ATXN1: variants seen among roughly 807,000 people sequenced by gnomAD.
The protein encoded by ATXN1 is ataxin-1.
ATXN1 carries 8 observed loss-of-function variants against 56.4 expected under a neutral mutation model. The observed-to-expected ratio is 0.14, with a 90% CI of 0.08 to 0.26. The LOEUF is 0.26. ATXN1 is among the 10% of genes least tolerant of loss of function. ATXN1 has a pLI of 1.00. For missense variants in ATXN1, 987 were observed against 1,106.5 expected, an observed-to-expected ratio of 0.89 and a Z score of 1.53; for synonymous variants, 514 against 494.6, an observed-to-expected ratio of 1.04 and a Z score of -0.52.
At chr6:16,515,980 T>A (rs1439754052) in intron 5 of ATXN1, among the ~76,000 whole-genome samples, 1 of 152,182 alleles carries the variant, frequency 6.6e-6, no homozygotes, top group Non-Finnish European at 1.5e-5. Context: ...TGGGACCAGA[T>A]GACTTGTGAA....
chr6:16,685,977 T>A (rs1467221813), intron 2 of ATXN1, among the ~76,000 whole-genome samples: 1 of 152,234 alleles, frequency 6.6e-6, no homozygotes, highest in African/African-American at 2.4e-5. Context: ...TCATATATTT[T>A]AAAAATATCT....
In ATXN1 at chr6:16,301,084, G is replaced by GTTTTT. The variant is rs1760081222; in HGVS notation, c.*5244_*5245insAAAAA. ...AACATGTAACTTTCAACCCTTCTCTGCTTTTTTTTTTTTACAAACAAAGTA... is the reference window on the plus strand; with the variant it reads ...AACATGTAACTTTCAACCCTTCTCTGTTTTTCTTTTTTTTTTTTACAAACAAAGTA... On this transcript the variant is annotated 3_prime_UTR_variant, in exon 8 of 8. Transcript: ENST00000436367. 1 of 98,098 alleles carries GTTTTT rather than the reference G, an allele frequency of 1.0e-5. No homozygotes were observed. 6.1% of individuals were successfully genotyped at this position (98,098 alleles called of 1,614,324 possible). A position where few individuals can be genotyped will look rare whatever the true frequency, so the allele number is the denominator to read the frequency against.
chr6:16,541,436 TG>T (rs1581832585), intron 4 of ATXN1, among the ~76,000 whole-genome samples: 1 of 152,208 alleles, frequency 6.6e-6, no homozygotes, highest in Non-Finnish European at 1.5e-5. Flanking sequence ...GGAGCTCTTC[TG>T]TATTTGTTCC....
At chr6:16,412,152 T>C (rs948216208) in intron 6 of ATXN1, among the ~76,000 whole-genome samples, 1 of 152,220 alleles carries the variant, frequency 6.6e-6, no homozygotes, top group Non-Finnish European at 1.5e-5. Flanking sequence ...TTGTGAACTA[T>C]AGAATATGAA....
At chr6:16,579,496 C>CG in intron 4 of ATXN1, among the ~76,000 whole-genome samples, 1 of 91,122 alleles carries the variant, frequency 1.1e-5, no homozygotes, top group African/African-American at 3.0e-5. Flanking sequence ...CCCCCCCACC[C>CG]GCCGATTCAT....
rs940957205 is a variant in ATXN1, at chr6:16,299,679, A to G, written c.*6650T>C. ...ACATCCAGTAGTACGAGTCTCAGAG[A>G]TGGCTCTGGAGCCAGGACTCCACTG... On this transcript the variant is annotated 3_prime_UTR_variant, in exon 8 of 8. Transcript: ENST00000436367. 3 of 152,594 alleles carry G rather than the reference A, an allele frequency of 2.0e-5. No homozygotes were observed. Among genetic ancestry groups the G allele is most frequent in the Non-Finnish European group, 4.4e-5 (3 of 68,050 alleles). 9.5% of individuals were successfully genotyped at this position (152,594 alleles called of 1,614,324 possible).
rs139570929 is a variant in ATXN1, at chr6:16,377,654, C to T, written c.-160-49184G>A. 2.0e-4 allele frequency among the ~76,000 whole-genome samples: 30 copies of T among 152,178 alleles called. No individual in the cohort carries two copies. The East Asian group carries it at 5.4e-3, about 27-fold the overall frequency. On this transcript the variant is annotated intron_variant, in intron 6 of 7. Transcript: ENST00000436367. ...GCTCTAAGAGCAGAGAGGAACAAGA[C>T]TATCTCTGTACGCCTGTGTGCACAG...
chr6:16,529,986 T>C (rs550525927), intron 4 of ATXN1, among the ~76,000 whole-genome samples: 1 of 152,302 alleles, frequency 6.6e-6, no homozygotes, highest in African/African-American at 2.4e-5. Context: ...TCCGTGAATG[T>C]CCCCAAGTTG....
chr6:16,753,797 C>A (rs927418185), intron 1 of ATXN1, among the ~76,000 whole-genome samples: 1 of 152,080 alleles, frequency 6.6e-6, no homozygotes, highest in East Asian at 1.9e-4. Flanking sequence ...GATGAAAGTG[C>A]ACAGCTATTA....
chr6:16,588,045 C>G (rs1331554084), intron 3 of ATXN1, among the ~76,000 whole-genome samples: 2 of 120,518 alleles, frequency 1.7e-5, no homozygotes, highest in Non-Finnish European at 3.6e-5. Flanking sequence ...TTCTGGAAAT[C>G]TAAGCAGAAT....
chr6:16,659,248 G>A (rs887495586), intron 2 of ATXN1, among the ~76,000 whole-genome samples: 1 of 152,182 alleles, frequency 6.6e-6, no homozygotes, highest in Non-Finnish European at 1.5e-5. Context: ...AGAAAATGGG[G>A]TTGTAAGGAT....
At chr6:16,511,079 C>T (rs971878801) in intron 5 of ATXN1, among the ~76,000 whole-genome samples, 4 of 152,062 alleles carry the variant, frequency 2.6e-5, no homozygotes, top group African/African-American at 7.2e-5. Flanking sequence ...AACAGCACTA[C>T]GTTCTTTGAA....
intron 3 of ATXN1, among the ~76,000 whole-genome samples, chr6:16,597,405 G>A (rs572712366): frequency 2.1e-4 from 32 of 151,902 alleles, no homozygotes; most frequent in Admixed American, 6.6e-4. Flanking sequence ...ACATGGTTGA[G>A]AATACTGCTG....
intron 1 of ATXN1, among the ~76,000 whole-genome samples, chr6:16,759,707 T>C (rs1761008574): frequency 6.6e-6 from 1 of 151,980 alleles, no homozygotes; most frequent in South Asian, 2.1e-4. Context: ...GATTTTTTTT[T>C]GTTTTGTTTT....
chr6:16,549,591 G>A (rs1761878244), intron 4 of ATXN1, among the ~76,000 whole-genome samples: 1 of 152,106 alleles, frequency 6.6e-6, no homozygotes, highest in Non-Finnish European at 1.5e-5. Context: ...ACTGCTTAAA[G>A]GGCACATTCA....
At chr6:16,646,211 ACT>A (rs745545143) in intron 3 of ATXN1, among the ~76,000 whole-genome samples, 3 of 152,078 alleles carry the variant, frequency 2.0e-5, no homozygotes, top group Non-Finnish European at 4.4e-5. Context: ...ACAGAGCAAG[ACT>A]CTGTCTCTTA....
chr6:16,730,487 G>GTGTGTATA (rs141836403), intron 2 of ATXN1, among the ~76,000 whole-genome samples: 28 of 132,052 alleles, frequency 2.1e-4, no homozygotes, highest in African/African-American at 3.2e-4. Flanking sequence ...AAAACAGTAT[G>GTGTGTATA]TATATATATA....
At chr6:16,593,875 AT>A (rs1451949934) in intron 3 of ATXN1, among the ~76,000 whole-genome samples, 11 of 147,878 alleles carry the variant, frequency 7.4e-5, no homozygotes, top group African/African-American at 2.5e-4. Context: ...ATATATATAT[AT>A]ATATAAAGGT....
chr6:16,370,246 G>C (rs1762011506), intron 6 of ATXN1, among the ~76,000 whole-genome samples: 1 of 152,224 alleles, frequency 6.6e-6, no homozygotes, highest in East Asian at 1.9e-4. Flanking sequence ...CTGGAGTTGA[G>C]AGGAATTGTT....
Sources: allele counts gnomAD v4.1 joint callset (sites outside exome capture counted in the v4.1 genomes callset), GRCh38; gene constraint gnomAD v4.1.1; transcripts MANE v1.5; gene names NCBI Gene and HGNC (gene_info 2026-07-23, HGNC 2026-07-21).